Variants in SYN2 observed in about 807,000 individuals in gnomAD.
The protein encoded by SYN2 is synapsin II.
Under a neutral mutation model 50.9 loss-of-function variants are expected in SYN2, and 19 were observed. The observed-to-expected ratio is 0.37, with a 90% CI of 0.26 to 0.55. SYN2 has a LOEUF of 0.55. Ranked by LOEUF, SYN2 falls within the 20% of genes least tolerant of loss-of-function variation. The pLI is 0.81. For synonymous variants in SYN2, 255 were observed against 224.9 expected (o/e 1.13, Z -1.20); for missense variants, 587 against 576.4 (o/e 1.02, Z -0.19).
intron 1 of SYN2, among the ~76,000 whole-genome samples, chr3:12,100,296 G>A (rs954107701): frequency 6.6e-6 from 1 of 152,142 alleles, no homozygotes; most frequent in South Asian, 2.1e-4. Flanking sequence ...TAGACATATA[G>A]ATTAAAGAAA....
Position 12,185,017 on chromosome 3 carries a change from G to C in SYN2, c.1369+1645G>C, listed in dbSNP as rs1698309329. On this transcript the variant is annotated intron_variant, in intron 11 of 12. Coordinates refer to ENST00000621198, the MANE Select transcript of SYN2 (RefSeq NM_133625.6). ...ACAAGAGTTACGTATCCAGGGGCTT[G>C]TGCCTTGGTTTCTCCTTTGATTGCT... The C allele has an allele frequency of 5.1e-6, 5 of 985,840 alleles. No homozygotes were observed. The South Asian group carries it at 2.3e-4, about 46-fold the overall frequency. The allele number at this position is 985,840 out of a possible 1,614,324, so 61.1% of individuals were successfully genotyped here. A position where few individuals can be genotyped will look rare whatever the true frequency, so the allele number is the denominator to read the frequency against.
intron 1 of SYN2, among the ~76,000 whole-genome samples, chr3:12,050,711 C>CTTTTT (rs57099569): frequency 0.033 from 1,678 of 50,566 alleles, 611 homozygotes; most frequent in South Asian, 0.072. Context: ...CTTCTCTTCT[C>CTTTTT]TTTTTTTTTT....
chr3:12,111,941 G>A (rs984709330), intron 1 of SYN2, among the ~76,000 whole-genome samples: 4 of 152,116 alleles, frequency 2.6e-5, no homozygotes, highest in Non-Finnish European at 5.9e-5. Flanking sequence ...ATAGAATCTG[G>A]GTCATGGCAT....
At chr3:12,060,295 G>A (rs1304706893) in intron 1 of SYN2, among the ~76,000 whole-genome samples, 2 of 151,882 alleles carry the variant, frequency 1.3e-5, no homozygotes, top group African/African-American at 4.8e-5. Context: ...ATTGGTTCTG[G>A]CAGGAAGAAA....
chr3:12,151,427 C>A, intron 5 of SYN2, 101 bp downstream of exon 5: 2 of 855,344 alleles, frequency 2.3e-6, no homozygotes, highest in South Asian at 1.5e-5. Flanking sequence ...GCATCTCAAC[C>A]CCAAAGACTC....
chr3:12,082,273 T>A (rs1209788263), intron 1 of SYN2, among the ~76,000 whole-genome samples: 4 of 152,172 alleles, frequency 2.6e-5, no homozygotes, highest in Non-Finnish European at 5.9e-5. Flanking sequence ...GTGCCCAAAC[T>A]TTTTACTTGG....
chr3:12,165,835 T>C (rs561219800), intron 7 of SYN2, among the ~76,000 whole-genome samples: 1 of 152,378 alleles, frequency 6.6e-6, no homozygotes, highest in African/African-American at 2.4e-5. Context: ...CTCAGTAGTT[T>C]GTTTCTTTGC....
chr3:12,024,149 C>CT (rs35513783), intron 1 of SYN2, among the ~76,000 whole-genome samples: 734 of 68,150 alleles, frequency 0.011, 2 homozygotes, highest in Non-Finnish European at 0.014. Context: ...TCATTACTTC[C>CT]TTTTTTTTTT....
At chr3:12,060,785 G>T (rs1695097132) in intron 1 of SYN2, among the ~76,000 whole-genome samples, 2 of 152,038 alleles carry the variant, frequency 1.3e-5, no homozygotes, top group Admixed American at 1.3e-4. Flanking sequence ...CACACTAAAG[G>T]CCTATTTAGA....
At chr3:12,160,490 T>C (rs970244837) in intron 5 of SYN2, among the ~76,000 whole-genome samples, 3 of 152,206 alleles carry the variant, frequency 2.0e-5, no homozygotes, top group African/African-American at 7.2e-5. Context: ...TTCATTTTGA[T>C]GGTGTTAGTG....
At chr3:12,157,953 T>A (rs1697507072) in intron 5 of SYN2, among the ~76,000 whole-genome samples, 1 of 152,228 alleles carries the variant, frequency 6.6e-6, no homozygotes, top group African/African-American at 2.4e-5. Flanking sequence ...CTCTTGCCAT[T>A]TGAGCATTAA....
intron 1 of SYN2, among the ~76,000 whole-genome samples, chr3:12,056,562 A>G (rs1000414830): frequency 1.3e-5 from 2 of 152,200 alleles, no homozygotes; most frequent in African/African-American, 4.8e-5. Context: ...CCTATATATT[A>G]AAAATATTTT....
At chr3:12,182,433 A>C (rs17036044) in intron 10 of SYN2, among the ~76,000 whole-genome samples, 1 of 152,110 alleles carries the variant, frequency 6.6e-6, no homozygotes, top group Non-Finnish European at 1.5e-5. Flanking sequence ...ACTGCCTCTA[A>C]TACAAGCATT....
chr3:12,076,057 G>A (rs1439180455), intron 1 of SYN2, among the ~76,000 whole-genome samples: 3 of 152,130 alleles, frequency 2.0e-5, no homozygotes, highest in Non-Finnish European at 4.4e-5. Context: ...TTACAGAGAA[G>A]GGTAGAGTAA....
At chr3:12,099,937 A>T (rs1485165867) in intron 1 of SYN2, among the ~76,000 whole-genome samples, 1 of 141,698 alleles carries the variant, frequency 7.1e-6, no homozygotes, top group Non-Finnish European at 1.5e-5. Context: ...TGCACTCCAG[A>T]CTGAGCGACA....
chr3:12,063,477 T>C (rs1173555451), intron 1 of SYN2, among the ~76,000 whole-genome samples: 1 of 151,978 alleles, frequency 6.6e-6, no homozygotes, highest in Non-Finnish European at 1.5e-5. Context: ...ATACTGAAAT[T>C]GAACAATTAA....
chr3:12,045,752 G>C (rs1694724530), intron 1 of SYN2, among the ~76,000 whole-genome samples: 1 of 152,138 alleles, frequency 6.6e-6, no homozygotes, highest in Admixed American at 6.5e-5. Context: ...TGTGGAGTGG[G>C]AGTACTGCAA....
At position 12,074,768 on chromosome 3, in the gene SYN2, C is replaced by T. The variant is rs934586380; in HGVS notation, c.378-65883C>T. ...TCTAAGTCAGGCTAACCCCTGGAAACCTGAAACTGGGCCCAAGAGACACTA... is the reference window on the plus strand; with the variant it reads ...TCTAAGTCAGGCTAACCCCTGGAAATCTGAAACTGGGCCCAAGAGACACTA... On this transcript the variant is annotated intron_variant, in intron 1 of 12. Transcript: ENST00000621198. 1.4e-4 allele frequency among the ~76,000 whole-genome samples: 21 copies of T among 152,178 alleles called. No homozygotes were observed. The East Asian group carries it at 3.7e-3, about 27-fold the overall frequency.
intron 12 of SYN2, among the ~76,000 whole-genome samples, chr3:12,189,390 T>C (rs763273681): frequency 1.1e-4 from 16 of 152,136 alleles, no homozygotes; most frequent in Non-Finnish European, 2.1e-4. Context: ...ATTAGAAAAC[T>C]CCCTAAGAAA....
Sources: allele counts gnomAD v4.1 joint callset (sites outside exome capture counted in the v4.1 genomes callset), GRCh38; gene constraint gnomAD v4.1.1; transcripts MANE v1.5; gene names NCBI Gene and HGNC (gene_info 2026-07-23, HGNC 2026-07-21).